RBM23: variants seen among roughly 807,000 people sequenced by gnomAD.
RBM23 encodes probable RNA-binding protein 23.
RBM23 carries 53 observed loss-of-function variants against 56.2 expected under a neutral mutation model. The observed-to-expected ratio is 0.94, with a 90% CI of 0.76 to 1.19. The LOEUF (loss-of-function observed/expected upper bound fraction) is 1.19. Ranked by LOEUF, RBM23 falls within the 50% of genes most tolerant of loss-of-function variation. RBM23 has a pLI of 0.00. For missense variants in RBM23, 642 were observed against 590.3 expected (o/e 1.09, Z -0.91); for synonymous variants, 197 against 198.5 (o/e 0.99, Z 0.06).
intron 2 of RBM23, 137 bp downstream of exon 2, chr14:22,911,191 T>C: frequency 1.4e-6 from 1 of 730,458 alleles, no homozygotes; most frequent in Middle Eastern, 4.3e-4. Flanking sequence ...ACTAAGACTA[T>C]GCCTTTTATG....
chr14:22,910,649 G>A (rs1243748850), intron 2 of RBM23, among the ~76,000 whole-genome samples: 2 of 152,066 alleles, frequency 1.3e-5, no homozygotes, highest in East Asian at 3.9e-4. Flanking sequence ...AAGGCAGATC[G>A]CTTGAGCCTG....
chr14:22,901,864 G>A lies in RBM23; in HGVS notation c.1266C>T (p.Asn422=). ...AALTALSPAL[N]LASQCFQLSS... ...AGAGCTGGAAACACTGGGAGGCAAGGTTCAGGGCTGGACTCAGAGCTAGAA... is the reference window on the plus strand; with the variant it reads ...AGAGCTGGAAACACTGGGAGGCAAGATTCAGGGCTGGACTCAGAGCTAGAA... The change falls in exon 13 of 14, where the codon AAC becomes AAT. Residue 422 remains asparagine, a synonymous_variant. Transcript: ENST00000359890. 1 of 1,614,218 alleles carries A rather than the reference G, an allele frequency of 6.2e-7. No individual in the cohort carries two copies. Among genetic ancestry groups the A allele is most frequent in the Admixed American group, 1.7e-5 (1 of 60,034 alleles).
intron 1 of RBM23, chr14:22,913,786 T>G (rs1594401831): frequency 6.6e-6 from 1 of 150,898 alleles, no homozygotes; most frequent in Admixed American, 6.6e-5. Flanking sequence ...GAGGTGGAGG[T>G]TGCAATGAGC....
At chr14:22,918,460 C>G (rs1178345764) in intron 1 of RBM23, among the ~76,000 whole-genome samples, 2 of 152,074 alleles carry the variant, frequency 1.3e-5, no homozygotes, top group African/African-American at 2.4e-5. Context: ...GCCAGTGTCC[C>G]AGGGCTCAAT....
intron 10 of RBM23, chr14:22,904,047 C>G: frequency 6.7e-7 from 1 of 1,501,168 alleles, no homozygotes; most frequent in Non-Finnish European, 8.9e-7. Flanking sequence ...CTGAACACCC[C>G]CATACCAGGG....
chr14:22,910,546 G>A (rs1408357924), intron 2 of RBM23, among the ~76,000 whole-genome samples: 1 of 151,000 alleles, frequency 6.6e-6, no homozygotes, highest in Non-Finnish European at 1.5e-5. Flanking sequence ...AGAGGGCAGA[G>A]GGAGGGAAAA....
At chr14:22,910,645 G>C (rs1430258098) in intron 2 of RBM23, among the ~76,000 whole-genome samples, 1 of 152,042 alleles carries the variant, frequency 6.6e-6, no homozygotes, top group African/African-American at 2.4e-5. Flanking sequence ...GGCCAAGGCA[G>C]ATCGCTTGAG....
intron 1 of RBM23, chr14:22,914,053 A>C (rs2043056348): frequency 1.3e-5 from 2 of 149,396 alleles, no homozygotes; most frequent in East Asian, 2.0e-4. Context: ...TTTGCTGGGC[A>C]TGGTGGCTCA....
chr14:22,915,020 C>T (rs1239192405), intron 1 of RBM23, among the ~76,000 whole-genome samples: 1 of 150,806 alleles, frequency 6.6e-6, no homozygotes, highest in Admixed American at 6.6e-5. Flanking sequence ...ACTTTGTCCT[C>T]TTTAAAGCAG....
Position 22,905,250 on chromosome 14 carries a change from T to C in RBM23, c.574-4A>G, listed in dbSNP as rs759266324. On this transcript the variant is annotated splice_region_variant and splice_polypyrimidine_tract_variant and intron_variant, in intron 7 of 13. Transcript: ENST00000359890. The stretch of plus-strand genomic sequence containing the variant: ...AGATGATACGTACATCGCGAACCTA[T>C]CCAGGACGCAAAAGAAATCCTGAGT... 84 of 1,613,902 alleles carry C rather than the reference T, an allele frequency of 5.2e-5. No individual in the cohort carries two copies. Among genetic ancestry groups the C allele is most frequent in the Non-Finnish European group, 7.1e-5 (84 of 1,179,982 alleles).
At position 22,903,409 on chromosome 14, in the gene RBM23, A is replaced by C. The variant is rs149481520; in HGVS notation, c.930+852T>G. 4.6e-3 allele frequency: 4,494 copies of C among 985,490 alleles called. 13 individuals carry two copies. Among genetic ancestry groups the C allele is most frequent in the Middle Eastern group, 5.7e-3 (11 of 1,914 alleles). The allele number at this position is 985,490 out of a possible 1,614,324, so 61.0% of individuals were successfully genotyped here. A position where few individuals can be genotyped will look rare whatever the true frequency, so the allele number is the denominator to read the frequency against. On this transcript the variant is annotated intron_variant, in intron 10 of 13. Coordinates refer to ENST00000359890, the MANE Select transcript of RBM23 (RefSeq NM_001077351.2). ...ACAGAGAGCGAGAAAAGGTTACAAAAGTTACTTGCCACCACAGAATTGTCA... is the reference window on the plus strand; with the variant it reads ...ACAGAGAGCGAGAAAAGGTTACAAACGTTACTTGCCACCACAGAATTGTCA...
Position 22,899,983 on chromosome 14 carries a change from T to C in RBM23, c.*1747A>G, listed in dbSNP as rs1341669445. On this transcript the variant is annotated 3_prime_UTR_variant, in exon 14 of 14. Coordinates refer to ENST00000359890, the MANE Select transcript of RBM23 (RefSeq NM_001077351.2). ...AATTCAGGCCTTCTCATTTGGTCCCTAAGCTGGGTGAGACAGCCTCTCTCC... is the reference window on the plus strand; with the variant it reads ...AATTCAGGCCTTCTCATTTGGTCCCCAAGCTGGGTGAGACAGCCTCTCTCC... 1 of 152,166 alleles carries C rather than the reference T, an allele frequency of 6.6e-6. No homozygotes were observed. The highest frequency in any genetic ancestry group is 2.4e-5 in the African/African-American group (1 of 41,442). The allele number at this position is 152,166 out of a possible 1,614,324, so 9.4% of individuals were successfully genotyped here. A position where few individuals can be genotyped will look rare whatever the true frequency, so the allele number is the denominator to read the frequency against.
In RBM23 at chr14:22,893,339, G is replaced by C. The variant is rs1040511071; in HGVS notation, c.*8391C>G. ...TGTTTCTCTCAAGTACTAAACATCTGCAATATGCCAATCAGTGTGCCGGGC... is the reference window on the plus strand; with the variant it reads ...TGTTTCTCTCAAGTACTAAACATCTCCAATATGCCAATCAGTGTGCCGGGC... On this transcript the variant is annotated 3_prime_UTR_variant, in exon 14 of 14. Transcript: ENST00000359890. The C allele has an allele frequency of 6.6e-6, 1 of 152,194 alleles. No individual in the cohort carries two copies. Among genetic ancestry groups the C allele is most frequent in the Non-Finnish European group, 1.5e-5 (1 of 68,034 alleles). The allele number at this position is 152,194 out of a possible 1,614,324, so 9.4% of individuals were successfully genotyped here.
rs763807987 is a variant in RBM23 at position 22,911,348 on chromosome 14, C to A, written c.46G>T (p.Ala16Ser). Residue 16 changes from alanine to serine, a missense_variant, in exon 2 of 14, where the codon GCT becomes TCT. By Grantham distance (99) the Ala-to-Ser change is moderately conservative (BLOSUM62 1). Transcript: ENST00000359890. ...FDIVIEAMLEAPYKKEEDEQQ... is the reference protein window; with the variant it reads ...FDIVIEAMLESPYKKEEDEQQ... ...ATTACCTCTTCTTTTTTATAGGGAG[C>A]TTCCAGCATGGCCTCAATCACTATG... 2 of 1,613,684 alleles carry A rather than the reference C, an allele frequency of 1.2e-6. No homozygotes were observed. The highest frequency in any genetic ancestry group is 1.7e-4 in the Middle Eastern group (1 of 6,058).
intron 1 of RBM23, among the ~76,000 whole-genome samples, chr14:22,912,491 C>T (rs2042697116): frequency 6.6e-6 from 1 of 152,128 alleles, no homozygotes; most frequent in South Asian, 2.1e-4. Context: ...ACTGCCTCTC[C>T]CCAGGCTGTC....
rs537938978 is a variant in RBM23 at position 22,906,106 on chromosome 14, A to C, written c.401+89T>G. On this transcript the variant is annotated intron_variant, in intron 5 of 13. Transcript: ENST00000359890. ...TATCCTGCCAATCACAATGTGTTAT[A>C]ATAAGCACCCTCAAGCAGGGTTCAT... 89 of 1,449,674 alleles carry C rather than the reference A, an allele frequency of 6.1e-5. No homozygotes were observed. The South Asian group carries it at 1.1e-3, about 18-fold the overall frequency. The allele number at this position is 1,449,674 out of a possible 1,614,324, so 89.8% of individuals were successfully genotyped here.
rs1233908253 is a variant in RBM23, at chr14:22,902,304, C to G, written c.1009G>C (p.Gly337Arg). Residue 337 changes from glycine (G) to arginine (R), a missense_variant, in exon 11 of 14, where the codon GGC becomes CGC. Coordinates refer to ENST00000359890, the MANE Select transcript of RBM23 (RefSeq NM_001077351.2). Reference protein sequence around the residue: ...FELAGRPMRVGHVTERLDGGT... With the variant: ...FELAGRPMRVRHVTERLDGGT... ...CCATCCAGTCGCTCAGTCACATGGC[C>G]AACCCTCATAGGTCGACCAGCAAGC... The G allele has an allele frequency of 6.2e-7, 1 of 1,614,132 alleles. No individual in the cohort carries two copies. Among genetic ancestry groups the G allele is most frequent in the South Asian group, 1.1e-5 (1 of 91,074 alleles).
At chr14:22,918,400 TAAAAA>T (rs34898728) in intron 1 of RBM23, among the ~76,000 whole-genome samples, 1 of 149,410 alleles carries the variant, frequency 6.7e-6, no homozygotes, top group African/African-American at 2.5e-5. Context: ...CTTAAAAAAA[TAAAAA>T]AAAAGAGGTC....
At chr14:22,904,065 C>CAA in intron 10 of RBM23, 196 bp downstream of exon 10, 1 of 1,515,604 alleles carries the variant, frequency 6.6e-7, no homozygotes, top group Non-Finnish European at 8.8e-7. Flanking sequence ...GGGCCACTGA[C>CAA]AGAGTGTAGG....
Sources: gnomAD v4.1 joint callset for allele counts (sites outside exome capture counted in the v4.1 genomes callset) on GRCh38, gnomAD v4.1.1 for gene constraint, MANE v1.5 for transcripts, NCBI Gene and HGNC (gene_info 2026-07-23, HGNC 2026-07-21) for gene names.